Variants in ELOVL5 observed in about 807,000 individuals in gnomAD.
ELOVL5 encodes the protein very long chain fatty acid elongase 5.
A neutral mutation model predicts 38.6 loss-of-function variants in ELOVL5; 8 were observed. The observed-to-expected ratio is 0.21, with a 90% CI of 0.12 to 0.37. ELOVL5 has a LOEUF of 0.37. Ranked by LOEUF, ELOVL5 falls within the 10% of genes least tolerant of loss-of-function variation. The pLI is 1.00. For synonymous variants in ELOVL5, 127 were observed against 133.7 expected, an observed-to-expected ratio of 0.95 and a Z score of 0.34; for missense variants, 280 against 367.8, an observed-to-expected ratio of 0.76 and a Z score of 1.95.
chr6:53,312,463 A>C lies in ELOVL5; in HGVS notation c.-8-16756T>G, dbSNP rs577224043. Among the ~76,000 whole-genome samples, 8 of 152,358 alleles carry C rather than the reference A, an allele frequency of 5.3e-5. No homozygotes were observed. The South Asian group carries it at 1.4e-3, about 28-fold the overall frequency. On this transcript the variant is annotated intron_variant, in intron 1 of 7. Coordinates refer to ENST00000304434, the MANE Select transcript of ELOVL5 (RefSeq NM_021814.5). ...CCATTTATAAAACACTTTTGAAATG[A>C]CAGAACTATAAAGATAGAAAAGAGA...
At chr6:53,308,317 G>A (rs1239244672) in intron 1 of ELOVL5, among the ~76,000 whole-genome samples, 4 of 152,130 alleles carry the variant, frequency 2.6e-5, no homozygotes, top group African/African-American at 4.8e-5. Context: ...CAGTTATACT[G>A]TAATTATCTG....
intron 1 of ELOVL5, among the ~76,000 whole-genome samples, chr6:53,305,371 C>CA (rs1417610175): frequency 2.1e-5 from 2 of 94,100 alleles, no homozygotes; most frequent in African/African-American, 1.5e-4. Flanking sequence ...GCTGGCCTGG[C>CA]GGGGGCTGAC....
At chr6:53,269,369 G>T in intron 7 of ELOVL5, 99 bp from the exon 8 acceptor site, 1 of 670,042 alleles carries the variant, frequency 1.5e-6, no homozygotes, top group Non-Finnish European at 2.2e-6. Flanking sequence ...CTAGTTTCAA[G>T]ATCAAATCTT....
intron 3 of ELOVL5, among the ~76,000 whole-genome samples, chr6:53,288,248 A>G (rs1168697792): frequency 6.6e-6 from 1 of 152,174 alleles, no homozygotes; most frequent in Non-Finnish European, 1.5e-5. Context: ...GGATAGTGCA[A>G]AAAATCAGGC....
At position 53,285,228 on chromosome 6, in the gene ELOVL5, C is replaced by T. The variant is rs531218973; in HGVS notation, c.246+6548G>A. On this transcript the variant is annotated intron_variant, in intron 3 of 7. Coordinates refer to ENST00000304434, the MANE Select transcript of ELOVL5 (RefSeq NM_021814.5). The stretch of plus-strand genomic sequence containing the variant: ...ACTGAAGGAAATTAAAAGTGCTACT[C>T]GTATGAACATAAAAATGATGAGAAA... Among the ~76,000 whole-genome samples, 165 of 152,144 alleles carry T rather than the reference C, an allele frequency of 1.1e-3. 2 individuals carry two copies. The highest frequency in any genetic ancestry group is 2.0e-3 in the Non-Finnish European group (135 of 68,038).
intron 6 of ELOVL5, among the ~76,000 whole-genome samples, chr6:53,272,804 G>A (rs561425219): frequency 6.6e-6 from 1 of 152,258 alleles, no homozygotes; most frequent in South Asian, 2.1e-4. Context: ...TTGCTGCCTA[G>A]TAATGGGCTA....
At chr6:53,280,891 A>G (rs1205682517) in intron 3 of ELOVL5, among the ~76,000 whole-genome samples, 1 of 152,316 alleles carries the variant, frequency 6.6e-6, no homozygotes, top group East Asian at 1.9e-4. Flanking sequence ...CCCTGCACCC[A>G]GCCAGGAGTG....
At position 53,348,714 on chromosome 6, in the gene ELOVL5, C is replaced by T. The variant is rs1053829323; in HGVS notation, c.-9+103G>A. The T allele has an allele frequency of 7.6e-4, 326 of 426,688 alleles. 1 individual carries two copies. The highest frequency in any genetic ancestry group is 1.1e-3 in the Non-Finnish European group (242 of 215,804). The allele number at this position is 426,688 out of a possible 1,614,324, so 26.4% of individuals were successfully genotyped here. A position where few individuals can be genotyped will look rare whatever the true frequency, so the allele number is the denominator to read the frequency against. On this transcript the variant is annotated intron_variant, in intron 1 of 7. Coordinates refer to ENST00000304434, the MANE Select transcript of ELOVL5 (RefSeq NM_021814.5). Reference sequence around the variant, plus strand: ...CTCTTTCTCGGCACCAGGTCCGAGACCTAACGGCAGTTCTCTCTGACCGCT... The same window carrying T: ...CTCTTTCTCGGCACCAGGTCCGAGATCTAACGGCAGTTCTCTCTGACCGCT...
At chr6:53,299,770 T>C (rs1208567143) in intron 1 of ELOVL5, among the ~76,000 whole-genome samples, 2 of 152,316 alleles carry the variant, frequency 1.3e-5, no homozygotes, top group South Asian at 2.1e-4. Context: ...TAAAATGAAA[T>C]GTGTTCTCTA....
intron 1 of ELOVL5, among the ~76,000 whole-genome samples, chr6:53,324,800 T>C (rs1399308523): frequency 6.6e-6 from 1 of 151,232 alleles, no homozygotes. Context: ...TGGGCTATCA[T>C]ACCAAAAAAA....
At position 53,276,193 on chromosome 6, in the gene ELOVL5, C is replaced by T. The variant is rs185810477; in HGVS notation, c.310G>A (p.Glu104Lys). The change falls in exon 4 of 8, where the codon GAA becomes AAA. Residue 104 changes from glutamate (E) to lysine (K), a missense_variant. Physicochemically the swap from Glu to Lys is moderately conservative, Grantham distance 56. Transcript: ENST00000304434. ...AGAGACAGTACCTTCATATCTGATT[C>T]TCCTGCGGTGCGTGTGCCCTGACAG... ...FFCQGTRTAGESDMKIIRVLW... is the reference protein window; with the variant it reads ...FFCQGTRTAGKSDMKIIRVLW... 22 of 1,611,634 alleles carry T rather than the reference C, an allele frequency of 1.4e-5. No homozygotes were observed. In the East Asian group the frequency reaches 4.5e-4, roughly 33 times the overall value.
Position 53,275,100 on chromosome 6 carries a change from G to A in ELOVL5, c.486C>T (p.Pro162=). The A allele has an allele frequency of 6.2e-7, 1 of 1,613,962 alleles. No individual in the cohort carries two copies. Among genetic ancestry groups the A allele is most frequent in the Admixed American group, 1.7e-5 (1 of 60,012 alleles). Residue 162 remains proline, a synonymous_variant, in exon 5 of 8, where the codon CCC becomes CCT. Coordinates refer to ENST00000304434, the MANE Select transcript of ELOVL5 (RefSeq NM_021814.5). ...NIWWFVMNWV[P]CGHSYFGATL... ...GTCTCTAATACTTACAGTGGCCGCA[G>A]GGGACCCAGTTCATCACAAACCACC...
chr6:53,348,906 T>C lies in ELOVL5; in HGVS notation c.-98A>G, dbSNP rs549744662. 5 of 451,298 alleles carry C rather than the reference T, an allele frequency of 1.1e-5. No individual in the cohort carries two copies. The highest frequency in any genetic ancestry group is 2.2e-5 in the Non-Finnish European group (5 of 224,754). The allele number at this position is 451,298 out of a possible 1,614,324, so 28.0% of individuals were successfully genotyped here. On this transcript the variant is annotated 5_prime_UTR_variant, in exon 1 of 8. Transcript: ENST00000304434. The stretch of plus-strand genomic sequence containing the variant: ...GGGTGGCAGCCGGCGCAGAGGCGGA[T>C]GTAGAAGGAGACACCGGTGGCTAGG...
chr6:53,317,103 T>C (rs967791275), intron 1 of ELOVL5, among the ~76,000 whole-genome samples: 1 of 152,242 alleles, frequency 6.6e-6, no homozygotes, highest in Non-Finnish European at 1.5e-5. Context: ...CATGTATTCC[T>C]GCTGTCCTAA....
rs537520718 is a variant in ELOVL5, at chr6:53,345,338, G to A, written c.-9+3479C>T. 4.6e-5 allele frequency among the ~76,000 whole-genome samples: 7 copies of A among 152,248 alleles called. No homozygotes were observed. The South Asian group carries it at 1.0e-3, about 23-fold the overall frequency. ...CAGGTAGGTCTCAGTTGGGTTTTCT[G>A]TTTCTTGCACCAAAAGCATCCTGAC... is the stretch of plus-strand genomic sequence containing the variant. On this transcript the variant is annotated intron_variant, in intron 1 of 7. Transcript: ENST00000304434.
intron 1 of ELOVL5, among the ~76,000 whole-genome samples, chr6:53,328,368 G>A (rs1485633994): frequency 1.3e-5 from 2 of 152,072 alleles, no homozygotes; most frequent in Non-Finnish European, 2.9e-5. Context: ...ACTGGTACCT[G>A]ATTCAGGTAT....
intron 1 of ELOVL5, among the ~76,000 whole-genome samples, chr6:53,312,925 T>C (rs911944657): frequency 6.6e-6 from 1 of 152,198 alleles, no homozygotes; most frequent in Non-Finnish European, 1.5e-5. Flanking sequence ...AGTTTAAGAC[T>C]TTACCTAAAT....
chr6:53,335,065 A>T (rs1223480332), intron 1 of ELOVL5, among the ~76,000 whole-genome samples: 1 of 152,178 alleles, frequency 6.6e-6, no homozygotes, highest in Non-Finnish European at 1.5e-5. Flanking sequence ...AGGCCAAATT[A>T]TTTCTAAATT....
chr6:53,273,614 C>T (rs1372811412), intron 5 of ELOVL5, among the ~76,000 whole-genome samples: 1 of 152,240 alleles, frequency 6.6e-6, no homozygotes, highest in Non-Finnish European at 1.5e-5. Context: ...GACGCCATCC[C>T]AGCACCTACA....
Sources: gnomAD v4.1 joint callset for allele counts (sites outside exome capture counted in the v4.1 genomes callset) on GRCh38, gnomAD v4.1.1 for gene constraint, MANE v1.5 for transcripts, NCBI Gene and HGNC (gene_info 2026-07-23, HGNC 2026-07-21) for gene names.